The following SNTG1 variants were observed in gnomAD, a reference collection of about 807,000 sequenced individuals.
SNTG1 encodes the protein gamma-1-syntrophin.
Under a neutral mutation model 74.7 loss-of-function variants are expected in SNTG1, and 39 were observed. The ratio of observed to expected loss-of-function variants is 0.52; its 90% CI spans 0.40 to 0.68. SNTG1 has a LOEUF of 0.68. Ranked by LOEUF, SNTG1 falls within the 30% of genes least tolerant of loss-of-function variation. SNTG1 has a pLI of 0.00. For missense variants in SNTG1, 685 were observed against 609.5 expected, an observed-to-expected ratio of 1.12 and a Z score of -1.30; for synonymous variants, 254 against 217.1, an observed-to-expected ratio of 1.17 and a Z score of -1.49.
At chr8:50,329,281 C>A (rs1363061648) in intron 2 of SNTG1, among the ~76,000 whole-genome samples, 1 of 152,156 alleles carries the variant, frequency 6.6e-6, no homozygotes, top group Non-Finnish European at 1.5e-5. Context: ...CTTACAGCTC[C>A]ATTAGGCAGG....
chr8:50,028,140 A>G (rs927545289), intron 1 of SNTG1, among the ~76,000 whole-genome samples: 1 of 152,158 alleles, frequency 6.6e-6, no homozygotes, highest in South Asian at 2.1e-4. Context: ...CACATACCCT[A>G]GCAACCACTA....
chr8:50,020,858 G>A (rs1484805), intron 1 of SNTG1, among the ~76,000 whole-genome samples: 97,701 of 152,064 alleles, frequency 0.64, 35,490 homozygotes, highest in East Asian at 0.84. Flanking sequence ...ATATGCCCAT[G>A]GATTCTAAGA....
chr8:50,565,984 T>C (rs2094514793), intron 12 of SNTG1, among the ~76,000 whole-genome samples: 1 of 152,024 alleles, frequency 6.6e-6, no homozygotes, highest in African/African-American at 2.4e-5. Context: ...TACGGAAATT[T>C]TCACTTGTCT....
intron 17 of SNTG1, among the ~76,000 whole-genome samples, chr8:50,722,826 A>G (rs2095491044): frequency 6.6e-6 from 1 of 152,202 alleles, no homozygotes; most frequent in African/African-American, 2.4e-5. Context: ...AAATTCAAGA[A>G]AAATTATATG....
chr8:50,088,800 G>T (rs1823170769), intron 1 of SNTG1, among the ~76,000 whole-genome samples: 2 of 148,602 alleles, frequency 1.3e-5, no homozygotes, highest in Non-Finnish European at 3.0e-5. Context: ...TGGGTAGGAA[G>T]AATCAATATC....
At chr8:50,253,638 T>A (rs916166049) in intron 2 of SNTG1, among the ~76,000 whole-genome samples, 3 of 150,418 alleles carry the variant, frequency 2.0e-5, no homozygotes, top group African/African-American at 7.3e-5. Context: ...GTGTGTTCCA[T>A]ATATACACAC....
intron 13 of SNTG1, among the ~76,000 whole-genome samples, chr8:50,630,651 A>G (rs747716052): frequency 6.6e-6 from 1 of 152,232 alleles, no homozygotes; most frequent in Non-Finnish European, 1.5e-5. Flanking sequence ...AGCCAAAGTA[A>G]TCTCAATGTC....
chr8:50,709,527 A>G (rs2095455684), intron 17 of SNTG1, among the ~76,000 whole-genome samples: 1 of 152,192 alleles, frequency 6.6e-6, no homozygotes, highest in Non-Finnish European at 1.5e-5. Flanking sequence ...CAAAGTGTAC[A>G]TCTCTGGGAG....
chr8:50,604,002 G>T (rs551627289), intron 13 of SNTG1, among the ~76,000 whole-genome samples: 1 of 152,248 alleles, frequency 6.6e-6, no homozygotes, highest in Admixed American at 6.5e-5. Context: ...AAGCCCTAGG[G>T]CTCTACAGTC....
intron 17 of SNTG1, among the ~76,000 whole-genome samples, chr8:50,750,651 C>G (rs1004892531): frequency 6.6e-6 from 1 of 151,990 alleles, no homozygotes; most frequent in Admixed American, 6.6e-5. Context: ...CCTCCACCAG[C>G]AAAAGGACTA....
At chr8:50,118,954 T>A (rs1487453358) in intron 1 of SNTG1, among the ~76,000 whole-genome samples, 1 of 140,276 alleles carries the variant, frequency 7.1e-6, no homozygotes, top group East Asian at 2.0e-4. Context: ...GTGATGAAAT[T>A]CTACTTCTAA....
chr8:50,007,181 A>G (rs903322623), intron 1 of SNTG1, among the ~76,000 whole-genome samples: 5 of 152,118 alleles, frequency 3.3e-5, no homozygotes, highest in Non-Finnish European at 4.4e-5. Context: ...GTATGAGACT[A>G]GCTGATCTTC....
Position 50,312,849 on chromosome 8 carries a change from A to G in SNTG1, c.-27-81363A>G, listed in dbSNP as rs548735542. On this transcript the variant is annotated intron_variant, in intron 2 of 18. Transcript: ENST00000642720. The stretch of plus-strand genomic sequence containing the variant: ...TTAAAACATAAATATAATAAAATAT[A>G]ACTATCTTACCCAAAATTACTAACA... 2.5e-4 allele frequency among the ~76,000 whole-genome samples: 38 copies of G among 150,270 alleles called. 4 individuals are homozygous for G. The South Asian group carries it at 6.6e-3, about 26-fold the overall frequency.
intron 4 of SNTG1, among the ~76,000 whole-genome samples, chr8:50,423,814 G>C (rs904291645): frequency 6.6e-6 from 1 of 152,092 alleles, no homozygotes; most frequent in African/African-American, 2.4e-5. Context: ...AATGTGATGA[G>C]ATGAGACTTA....
chr8:50,208,956 A>G (rs1438940405), intron 2 of SNTG1, among the ~76,000 whole-genome samples: 1 of 152,168 alleles, frequency 6.6e-6, no homozygotes, highest in Non-Finnish European at 1.5e-5. Flanking sequence ...GGGAAGTGCA[A>G]GGGGTCTGGG....
At chr8:50,535,985 G>C (rs945900259) in intron 10 of SNTG1, among the ~76,000 whole-genome samples, 12 of 152,040 alleles carry the variant, frequency 7.9e-5, no homozygotes, top group African/African-American at 2.9e-4. Flanking sequence ...CATGAATCAA[G>C]TGAAAAAGCC....
chr8:50,126,597 A>G (rs901043373), intron 1 of SNTG1, among the ~76,000 whole-genome samples: 1 of 151,988 alleles, frequency 6.6e-6, no homozygotes, highest in Non-Finnish European at 1.5e-5. Context: ...ATACATTTAC[A>G]TATGTGTTTT....
At chr8:50,533,516 G>A (rs935214276) in intron 10 of SNTG1, among the ~76,000 whole-genome samples, 2 of 152,166 alleles carry the variant, frequency 1.3e-5, no homozygotes, top group Admixed American at 1.3e-4. Context: ...GTTCTCAAAA[G>A]CACAAAAGTG....
At chr8:49,948,491 T>TA (rs772729114) in intron 1 of SNTG1, among the ~76,000 whole-genome samples, 2 of 152,244 alleles carry the variant, frequency 1.3e-5, no homozygotes, top group Non-Finnish European at 2.9e-5. Context: ...GTGCATTTTT[T>TA]ACTATGTAAT....
Sources: allele counts gnomAD v4.1 joint callset (sites outside exome capture counted in the v4.1 genomes callset), GRCh38; gene constraint gnomAD v4.1.1; transcripts MANE v1.5; gene names NCBI Gene and HGNC (gene_info 2026-07-23, HGNC 2026-07-21).